UNC13C: variants seen among roughly 807,000 people sequenced by gnomAD.
The protein encoded by UNC13C is unc-13 homolog C, also known as protein unc-13 homolog C.
Under a neutral mutation model 245.4 loss-of-function variants are expected in UNC13C, and 174 were observed. The ratio of observed to expected loss-of-function variants is 0.71; its 90% CI spans 0.63 to 0.80. The LOEUF (loss-of-function observed/expected upper bound fraction) is 0.80, where lower values mean the gene tolerates loss of function less well. UNC13C is among the 30% of genes least tolerant of loss of function. The pLI, the probability that UNC13C is intolerant of heterozygous loss-of-function variation, is 0.00. For synonymous variants in UNC13C, 992 were observed against 895.1 expected (o/e 1.11, Z -1.93); for missense variants, 2,829 against 2,602.9 (o/e 1.09, Z -1.89).
At chr15:54,597,225 T>A (rs1198611087) in intron 30 of UNC13C, among the ~76,000 whole-genome samples, 2 of 152,200 alleles carry the variant, frequency 1.3e-5, no homozygotes, top group Admixed American at 6.5e-5. Flanking sequence ...TATCTCCTGC[T>A]GTGCAGCCCA....
chr15:54,013,586 C>T lies in UNC13C; in HGVS notation c.683C>T (p.Pro228Leu). 2 of 1,613,550 alleles carry T rather than the reference C, an allele frequency of 1.2e-6. No individual in the cohort carries two copies. Among genetic ancestry groups the T allele is most frequent in the Non-Finnish European group, 1.7e-6 (2 of 1,179,728 alleles). ...AACCCAAAGACAAATGCCCTGGAGC[C>T]AGGGTTCAGTTCCTCTGGCTGCATT... is the stretch of plus-strand genomic sequence containing the variant. ...VRNPKTNALE[P>L]GFSSSGCISQ... is the part of the protein sequence containing the mutation. Residue 228 changes from proline to leucine, a missense_variant, in exon 2 of 33, where the codon CCA becomes CTA. Transcript: ENST00000260323.
chr15:54,046,818 G>A (rs1350719265), intron 2 of UNC13C, among the ~76,000 whole-genome samples: 4 of 151,698 alleles, frequency 2.6e-5, no homozygotes, highest in African/African-American at 9.7e-5. Flanking sequence ...GTACACTCTT[G>A]TACCCAGTAT....
At chr15:54,103,548 G>A (rs1900274638) in intron 2 of UNC13C, among the ~76,000 whole-genome samples, 1 of 152,140 alleles carries the variant, frequency 6.6e-6, no homozygotes, top group Admixed American at 6.5e-5. Flanking sequence ...TTTTGTCAGT[G>A]CAAACCCAAC....
chr15:54,107,199 C>A (rs1300603076), intron 2 of UNC13C, among the ~76,000 whole-genome samples: 1 of 152,074 alleles, frequency 6.6e-6, no homozygotes, highest in Middle Eastern at 3.4e-3. Context: ...TGCAATTATG[C>A]CTGAGCCTTT....
intron 4 of UNC13C, among the ~76,000 whole-genome samples, chr15:54,159,604 C>G (rs1237428849): frequency 6.6e-6 from 1 of 152,168 alleles, no homozygotes; most frequent in African/African-American, 2.4e-5. Context: ...TCTTAATAAT[C>G]TAGAGTTTAA....
intron 30 of UNC13C, among the ~76,000 whole-genome samples, chr15:54,585,474 CTCTTT>C (rs1490335289): frequency 6.6e-6 from 1 of 152,148 alleles, no homozygotes; most frequent in Non-Finnish European, 1.5e-5. Flanking sequence ...TCAAATAACC[CTCTTT>C]TCTTTATAAA....
intron 19 of UNC13C, among the ~76,000 whole-genome samples, chr15:54,489,999 C>T (rs1893621903): frequency 6.6e-6 from 1 of 152,072 alleles, no homozygotes; most frequent in African/African-American, 2.4e-5. Flanking sequence ...GCAGAATGGG[C>T]AAACAGATAC....
chr15:54,321,036 CA>C (rs1173538851), intron 13 of UNC13C: 13 of 462,370 alleles, frequency 2.8e-5, no homozygotes, highest in Admixed American at 1.9e-4. Flanking sequence ...CCTCCATGAC[CA>C]AAGTTGTTAT....
At chr15:54,300,466 T>C in intron 13 of UNC13C, 93 bp downstream of exon 13, 1 of 1,236,114 alleles carries the variant, frequency 8.1e-7, no homozygotes, top group Non-Finnish European at 1.1e-6. Context: ...CAAATGAAAC[T>C]GATTAAAAAG....
chr15:54,021,492 G>T (rs1027174485), intron 2 of UNC13C, among the ~76,000 whole-genome samples: 3 of 152,168 alleles, frequency 2.0e-5, no homozygotes, highest in African/African-American at 7.2e-5. Context: ...ATGTCCTTCA[G>T]TTACATCCGT....
intron 19 of UNC13C, among the ~76,000 whole-genome samples, chr15:54,447,482 C>A (rs1890883665): frequency 2.6e-5 from 4 of 152,144 alleles, no homozygotes; most frequent in Non-Finnish European, 5.9e-5. Flanking sequence ...GATTCAACTT[C>A]TTCCTGGTTT....
At chr15:54,335,417 T>C (rs2038548065) in intron 16 of UNC13C, among the ~76,000 whole-genome samples, 1 of 152,164 alleles carries the variant, frequency 6.6e-6, no homozygotes, top group Non-Finnish European at 1.5e-5. Context: ...TTTTTCTCAT[T>C]GCAGAGAGTA....
At chr15:54,537,472 GA>G (rs968495265) in intron 26 of UNC13C, among the ~76,000 whole-genome samples, 69 of 149,038 alleles carry the variant, frequency 4.6e-4, no homozygotes, top group African/African-American at 1.5e-3. Flanking sequence ...CACAGAATTA[GA>G]AAAAAAAAAT....
At chr15:54,304,912 A>G (rs191532685) in intron 13 of UNC13C, among the ~76,000 whole-genome samples, 2 of 152,090 alleles carry the variant, frequency 1.3e-5, no homozygotes, top group Non-Finnish European at 2.9e-5. Context: ...ATTAGTTATT[A>G]GAAATTATTG....
In UNC13C at chr15:54,309,941, A is replaced by C. The variant is rs571063454; in HGVS notation, c.4268+9568A>C. ...TTTATTACTCTAACTTTTCCCATGG[A>C]ACTAAAATTCCATTTGTTGAATTCT... On this transcript the variant is annotated intron_variant, in intron 13 of 32. Coordinates refer to ENST00000260323, the MANE Select transcript of UNC13C (RefSeq NM_001080534.3). 8.6e-5 allele frequency among the ~76,000 whole-genome samples: 13 copies of C among 151,922 alleles called. No homozygotes were observed. In the South Asian group the frequency reaches 2.7e-3, roughly 31 times the overall value.
intron 2 of UNC13C, among the ~76,000 whole-genome samples, chr15:54,022,673 AAAT>A (rs1324695335): frequency 6.6e-6 from 1 of 152,210 alleles, no homozygotes; most frequent in Non-Finnish European, 1.5e-5. Context: ...TATGGTTTGC[AAAT>A]AATATTTTCT....
chr15:54,335,349 C>T (rs1459032666), intron 16 of UNC13C, among the ~76,000 whole-genome samples: 1 of 152,166 alleles, frequency 6.6e-6, no homozygotes, highest in Admixed American at 6.6e-5. Flanking sequence ...CTATACATTT[C>T]TTTCCAATTA....
intron 4 of UNC13C, among the ~76,000 whole-genome samples, chr15:54,177,446 G>T (rs1197450734): frequency 6.6e-6 from 1 of 152,098 alleles, no homozygotes; most frequent in Admixed American, 6.6e-5. Flanking sequence ...ATACACATAT[G>T]CATGTAATCT....
At chr15:54,187,953 G>A (rs1167393372) in intron 4 of UNC13C, among the ~76,000 whole-genome samples, 1 of 152,008 alleles carries the variant, frequency 6.6e-6, no homozygotes, top group Non-Finnish European at 1.5e-5. Context: ...GGGATTGCAG[G>A]CGCCCACCAC....
Sources: gnomAD v4.1 joint callset for allele counts (sites outside exome capture counted in the v4.1 genomes callset) on GRCh38, gnomAD v4.1.1 for gene constraint, MANE v1.5 for transcripts, NCBI Gene and HGNC (gene_info 2026-07-23, HGNC 2026-07-21) for gene names.